Variants in PKHD1 observed in about 807,000 individuals in gnomAD.
The protein encoded by PKHD1 is fibrocystin.
A neutral mutation model predicts 412.0 loss-of-function variants in PKHD1; 291 were observed. The ratio of observed to expected loss-of-function variants is 0.71; its 90% CI spans 0.64 to 0.78. The LOEUF (loss-of-function observed/expected upper bound fraction) is 0.78. Ranked by LOEUF, PKHD1 falls within the 30% of genes least tolerant of loss-of-function variation. PKHD1 has a pLI of 0.00. For missense variants in PKHD1, 4,825 were observed against 4,950.7 expected (o/e 0.97, Z 0.76); for synonymous variants, 1,777 against 1,821.5 (o/e 0.98, Z 0.62).
At position 51,954,838 on chromosome 6, in the gene PKHD1, G is replaced by A. The variant is rs531610713; in HGVS notation, c.5908+5032C>T. 2.4e-4 allele frequency among the ~76,000 whole-genome samples: 37 copies of A among 151,918 alleles called. 1 individual carries two copies. Among genetic ancestry groups the A allele is most frequent in the South Asian group, 8.3e-4 (4 of 4,810 alleles). On this transcript the variant is annotated intron_variant, in intron 36 of 66. Coordinates refer to ENST00000371117, the MANE Select transcript of PKHD1 (RefSeq NM_138694.4). ...ATTGACCCTTTCATTAATCATTATCGTTACACTACTTCACATCAAGCTGCT... is the reference window on the plus strand; with the variant it reads ...ATTGACCCTTTCATTAATCATTATCATTACACTACTTCACATCAAGCTGCT...
rs200511261 is a variant in PKHD1 at position 51,748,086 on chromosome 6, A to G, written c.9530T>C (p.Ile3177Thr). 9.2e-5 allele frequency: 148 copies of G among 1,613,662 alleles called. No homozygotes were observed. The highest frequency in any genetic ancestry group is 1.2e-4 in the Non-Finnish European group (145 of 1,179,670). The change falls in exon 58 of 67, where the codon ATT (isoleucine) becomes ACT (threonine). Residue 3177 changes from isoleucine to threonine, a missense_variant. By Grantham distance (89) the Ile-to-Thr change is moderately conservative (BLOSUM62 -1). Coordinates refer to ENST00000371117, the MANE Select transcript of PKHD1 (RefSeq NM_138694.4). Reference protein sequence around the residue: ...IENITLVDNTIGLLAVVYVFS... With the variant: ...IENITLVDNTTGLLAVVYVFS... ...TACATACACTACTGCCAAAAGACCA[A>G]TAGTATTGTCTACCAGAGTAATGTT...
chr6:52,003,579 G>A (rs1395663329), intron 35 of PKHD1, among the ~76,000 whole-genome samples: 3 of 152,038 alleles, frequency 2.0e-5, no homozygotes, highest in African/African-American at 7.2e-5. Context: ...GGCCTCAAAT[G>A]TCACTAAGGA....
At chr6:51,836,538 G>T in intron 50 of PKHD1, 69 bp from the exon 51 acceptor site, 4 of 1,094,812 alleles carry the variant, frequency 3.7e-6, no homozygotes, top group South Asian at 1.3e-5. Context: ...AGTCACACGT[G>T]AGAAAAGAAG....
intron 35 of PKHD1, among the ~76,000 whole-genome samples, chr6:51,982,880 T>TAAAAGTA (rs777201105): frequency 7.4e-6 from 1 of 135,948 alleles, no homozygotes; most frequent in Non-Finnish European, 1.6e-5. Context: ...TAAAATAAAA[T>TAAAAGTA]AAAATAAAAT....
At chr6:51,781,875 T>G (rs1305648816) in intron 53 of PKHD1, among the ~76,000 whole-genome samples, 2 of 151,918 alleles carry the variant, frequency 1.3e-5, no homozygotes, top group African/African-American at 2.4e-5. Context: ...AAATATTAAG[T>G]GACTACTTAT....
chr6:51,980,175 G>A (rs1221953908), intron 35 of PKHD1, among the ~76,000 whole-genome samples: 1 of 152,190 alleles, frequency 6.6e-6, no homozygotes, highest in Non-Finnish European at 1.5e-5. Flanking sequence ...AATGGGGGAT[G>A]TCAGTGACAC....
intron 50 of PKHD1, among the ~76,000 whole-genome samples, chr6:51,843,475 A>C (rs2151598574): frequency 6.6e-6 from 1 of 152,338 alleles, no homozygotes. Flanking sequence ...CCATGAACTG[A>C]AACATCCTTG....
At chr6:51,859,565 T>C (rs1472882403) in intron 48 of PKHD1, among the ~76,000 whole-genome samples, 1 of 149,992 alleles carries the variant, frequency 6.7e-6, no homozygotes, top group Admixed American at 6.7e-5. Context: ...TGTGATAGTA[T>C]AATCAATTGG....
intron 12 of PKHD1, 114 bp from the exon 13 acceptor site, chr6:52,065,164 TATATAG>T (rs1208912137): frequency 4.4e-3 from 251 of 57,644 alleles, no homozygotes; most frequent in Middle Eastern, 0.015. Flanking sequence ...TATATATATA[TATATAG>T]AGAGAGAGAG....
At chr6:51,975,271 AC>A (rs1794222396) in intron 35 of PKHD1, among the ~76,000 whole-genome samples, 1 of 152,154 alleles carries the variant, frequency 6.6e-6, no homozygotes, top group Non-Finnish European at 1.5e-5. Flanking sequence ...CAAAAGCAGT[AC>A]AAAAAATAAA....
Position 51,626,989 on chromosome 6 carries a change from A to G in PKHD1, c.11785+8T>C. 1.2e-6 allele frequency: 2 copies of G among 1,613,184 alleles called. No homozygotes were observed. On this transcript the variant is annotated splice_region_variant and intron_variant, in intron 66 of 66. Transcript: ENST00000371117. ...CCTGTGGGGATCATCTCCACCCTCC[A>G]AGCTTACCTTCTCCCACCACAGTGT...
chr6:51,966,179 T>A (rs1273722270), intron 35 of PKHD1, among the ~76,000 whole-genome samples: 2 of 152,106 alleles, frequency 1.3e-5, no homozygotes, highest in Non-Finnish European at 2.9e-5. Context: ...CAGGTCCTGA[T>A]GACATGTGCC....
chr6:51,900,354 A>G (rs1781029833), intron 43 of PKHD1, among the ~76,000 whole-genome samples: 1 of 152,230 alleles, frequency 6.6e-6, no homozygotes, highest in Non-Finnish European at 1.5e-5. Context: ...CAGAGCCCTC[A>G]GAAATAACGC....
intron 60 of PKHD1, among the ~76,000 whole-genome samples, chr6:51,715,029 G>A (rs542487299): frequency 6.6e-6 from 1 of 151,874 alleles, no homozygotes; most frequent in African/African-American, 2.4e-5. Flanking sequence ...TATTAAGATT[G>A]AGCCTTAAGT....
chr6:52,042,883 C>G lies in PKHD1; in HGVS notation c.3073G>C (p.Glu1025Gln), dbSNP rs899785229. The change falls in exon 27 of 67, where the codon GAG becomes CAG. Residue 1025 changes from glutamate to glutamine, a missense_variant. By Grantham distance (29) the Glu-to-Gln change is conservative. Transcript: ENST00000371117. ...LNVKPRLDMV[E>Q]PSRAADIGGL... is the part of the protein sequence containing the mutation. ...CCAATATCCGCAGCTCTGGAAGGCTCCACCATATCCAGTCTAGGTTTCACA... is the reference window on the plus strand; with the variant it reads ...CCAATATCCGCAGCTCTGGAAGGCTGCACCATATCCAGTCTAGGTTTCACA... The G allele has an allele frequency of 2.5e-6, 4 of 1,613,800 alleles. No individual in the cohort carries two copies. The Admixed American group carries it at 6.7e-5, about 27-fold the overall frequency.
chr6:51,856,559 T>G (rs547608461), intron 48 of PKHD1, among the ~76,000 whole-genome samples: 1 of 152,216 alleles, frequency 6.6e-6, no homozygotes, highest in Admixed American at 6.5e-5. Flanking sequence ...TATTGGTAAT[T>G]GGATATTCAC....
At chr6:52,051,007 A>T (rs538295280) in intron 21 of PKHD1, among the ~76,000 whole-genome samples, 30 of 152,368 alleles carry the variant, frequency 2.0e-4, no homozygotes, top group African/African-American at 7.2e-4. Context: ...ATTGGTTACA[A>T]TGGAGACTTT....
intron 14 of PKHD1, among the ~76,000 whole-genome samples, chr6:52,061,752 C>T (rs1349488858): frequency 6.6e-6 from 1 of 152,000 alleles, no homozygotes; most frequent in African/African-American, 2.4e-5. Context: ...CTGAAATTCA[C>T]ACTCATGAGT....
intron 5 of PKHD1, among the ~76,000 whole-genome samples, chr6:52,076,705 C>G (rs1811377493): frequency 6.6e-6 from 1 of 152,096 alleles, no homozygotes; most frequent in Admixed American, 6.6e-5. Flanking sequence ...TCTTTTAATT[C>G]CATTGTAATT....
Sources: allele counts gnomAD v4.1 joint callset (sites outside exome capture counted in the v4.1 genomes callset), GRCh38; gene constraint gnomAD v4.1.1; transcripts MANE v1.5; gene names NCBI Gene and HGNC (gene_info 2026-07-23, HGNC 2026-07-21).